Variants in EYS observed in about 807,000 individuals in gnomAD.
EYS encodes EGF-like photoreceptor maintenance factor, also known as protein eyes shut homolog.
A neutral mutation model predicts 282.1 loss-of-function variants in EYS; 250 were observed. The observed-to-expected ratio is 0.89, with a 90% confidence interval of 0.80 to 0.98. EYS has a LOEUF of 0.98. Among genes scored for constraint, EYS ranks in the 50% least tolerant of loss-of-function variants. The probability of loss-of-function intolerance (pLI) is 0.00; values close to 1 mark genes in which losing one functional copy is unlikely to be tolerated. For synonymous variants in EYS, 1,355 were observed against 1,282.9 expected (o/e 1.06, Z -1.20); for missense variants, 4,016 against 3,709.0 (o/e 1.08, Z -2.15).
intron 5 of EYS, among the ~76,000 whole-genome samples, chr6:65,455,164 C>T (rs1486221041): frequency 6.6e-6 from 1 of 152,066 alleles, no homozygotes; most frequent in Non-Finnish European, 1.5e-5. Context: ...TTTCTGTCCT[C>T]TTTGATTTCT....
At chr6:65,255,946 C>G (rs551087762) in intron 12 of EYS, among the ~76,000 whole-genome samples, 1 of 152,152 alleles carries the variant, frequency 6.6e-6, no homozygotes, top group South Asian at 2.1e-4. Context: ...CTGCAAGTTC[C>G]TCAAGAAAGT....
intron 2 of EYS, among the ~76,000 whole-genome samples, chr6:65,539,834 G>A (rs953611753): frequency 6.6e-6 from 1 of 152,122 alleles, no homozygotes; most frequent in African/African-American, 2.4e-5. Context: ...TCTACTGATC[G>A]AATTCTCTCT....
chr6:64,728,822 T>C (rs563628889), intron 22 of EYS: 1 of 152,380 alleles, frequency 6.6e-6, no homozygotes, highest in East Asian at 1.9e-4. Context: ...AAAAATCAGG[T>C]CTTACTAACG....
Position 64,979,055 on chromosome 6 carries a change from T to G in EYS, c.2259+18527A>C, listed in dbSNP as rs114514984. Among the ~76,000 whole-genome samples, 1,368 of 151,968 alleles carry G rather than the reference T, an allele frequency of 9.0e-3. 10 individuals carry two copies. The highest frequency in any genetic ancestry group is 0.013 in the South Asian group (63 of 4,826). ...AAAACAGTGGCAGGATTTCAGAAGA[T>G]TTACTTCAACTTAAAACAAGTTTTA... On this transcript the variant is annotated intron_variant, in intron 14 of 42. Coordinates refer to ENST00000503581, the MANE Select transcript of EYS (RefSeq NM_001142800.2).
chr6:65,650,972 T>C (rs987067083), intron 1 of EYS, among the ~76,000 whole-genome samples: 1 of 152,128 alleles, frequency 6.6e-6, no homozygotes, highest in Admixed American at 6.6e-5. Context: ...AGAGTTGAGC[T>C]GCAAGAAAAT....
intron 31 of EYS, among the ~76,000 whole-genome samples, chr6:64,115,775 A>C (rs1391460483): frequency 1.3e-5 from 2 of 152,206 alleles, no homozygotes; most frequent in Non-Finnish European, 1.5e-5. Flanking sequence ...ATGATAAATA[A>C]AAATCAAAGA....
chr6:65,530,800 T>C (rs1020407152), intron 2 of EYS, among the ~76,000 whole-genome samples: 10 of 152,176 alleles, frequency 6.6e-5, no homozygotes, highest in Non-Finnish European at 1.5e-5. Context: ...TGTTTAGGAA[T>C]GGCCAAAAGT....
intron 2 of EYS, among the ~76,000 whole-genome samples, chr6:65,599,354 T>C (rs146677477): frequency 2.0e-4 from 31 of 152,262 alleles, no homozygotes; most frequent in Admixed American, 1.5e-3. Flanking sequence ...TTTGCTTGTT[T>C]ATTTTTATGT....
chr6:64,301,600 A>G (rs1769239540), intron 30 of EYS, among the ~76,000 whole-genome samples: 2 of 152,196 alleles, frequency 1.3e-5, no homozygotes, highest in South Asian at 4.1e-4. Context: ...TATGATCCTG[A>G]TATCATCAGG....
intron 35 of EYS, among the ~76,000 whole-genome samples, chr6:63,864,565 T>C (rs890202830): frequency 1.2e-4 from 18 of 152,252 alleles, no homozygotes; most frequent in Admixed American, 6.5e-4. Flanking sequence ...TTAATAGCTT[T>C]ATAGATTATC....
At chr6:64,026,446 G>C (rs1769516662) in intron 33 of EYS, among the ~76,000 whole-genome samples, 1 of 152,106 alleles carries the variant, frequency 6.6e-6, no homozygotes, top group African/African-American at 2.4e-5. Context: ...CTGAAAAAGA[G>C]GCAGCTCATT....
chr6:64,493,126 G>A (rs1185842464), intron 26 of EYS, among the ~76,000 whole-genome samples: 3 of 151,414 alleles, frequency 2.0e-5, no homozygotes, highest in East Asian at 1.9e-4. Flanking sequence ...AAGTAGGAGA[G>A]GCATTTCTTT....
At chr6:63,954,055 C>T (rs1765711109) in intron 35 of EYS, among the ~76,000 whole-genome samples, 2 of 152,220 alleles carry the variant, frequency 1.3e-5, no homozygotes, top group Non-Finnish European at 2.9e-5. Context: ...GCCATACTCA[C>T]TCTTTGTTGA....
At chr6:65,472,915 T>A (rs1765267150) in intron 5 of EYS, among the ~76,000 whole-genome samples, 1 of 151,914 alleles carries the variant, frequency 6.6e-6, no homozygotes, top group African/African-American at 2.4e-5. Flanking sequence ...GGGTCCAAAC[T>A]CCTAAGGTCC....
intron 2 of EYS, among the ~76,000 whole-genome samples, chr6:65,606,369 C>T (rs1020514338): frequency 1.1e-4 from 16 of 151,546 alleles, no homozygotes; most frequent in African/African-American, 3.9e-4. Flanking sequence ...ATTCTAATTG[C>T]CTAAAGAAAG....
intron 5 of EYS, among the ~76,000 whole-genome samples, chr6:65,452,522 G>A (rs1009176994): frequency 6.6e-6 from 1 of 151,818 alleles, no homozygotes; most frequent in African/African-American, 2.4e-5. Context: ...GTAATTAGTT[G>A]ACTTCACTGG....
intron 41 of EYS, among the ~76,000 whole-genome samples, chr6:63,735,201 G>A (rs1055793431): frequency 2.0e-5 from 3 of 152,000 alleles, no homozygotes; most frequent in Admixed American, 6.6e-5. Context: ...TCTACACCAC[G>A]TTTGCTGTGT....
At chr6:65,475,940 G>T in intron 5 of EYS, among the ~76,000 whole-genome samples, 1 of 151,922 alleles carries the variant, frequency 6.6e-6, no homozygotes, top group East Asian at 1.9e-4. Context: ...AGCCAAAAAT[G>T]ATGTTCACTC....
chr6:64,247,731 T>C (rs990200135), intron 30 of EYS, among the ~76,000 whole-genome samples: 1 of 152,108 alleles, frequency 6.6e-6, no homozygotes, highest in Non-Finnish European at 1.5e-5. Flanking sequence ...ACTAATATAA[T>C]TTAATTCTCA....
Sources: allele counts gnomAD v4.1 joint callset (sites outside exome capture counted in the v4.1 genomes callset), GRCh38; gene constraint gnomAD v4.1.1; transcripts MANE v1.5; gene names NCBI Gene and HGNC (gene_info 2026-07-23, HGNC 2026-07-21).